The following SLC6A7 variants were observed in gnomAD, a reference collection of about 807,000 sequenced individuals.
The protein encoded by SLC6A7 is solute carrier family 6 member 7.
A neutral mutation model predicts 73.1 loss-of-function variants in SLC6A7; 58 were observed. That is an observed-to-expected ratio of 0.79 (90% CI 0.64 to 0.99). SLC6A7 has a LOEUF of 0.99. Ranked by LOEUF, SLC6A7 falls within the 50% of genes least tolerant of loss-of-function variation. The pLI is 0.00. For missense variants in SLC6A7, 783 were observed against 831.4 expected, an observed-to-expected ratio of 0.94 and a Z score of 0.72; for synonymous variants, 338 against 338.7, an observed-to-expected ratio of 1.00 and a Z score of 0.02.
rs1461626482 is a variant in SLC6A7, at chr5:150,206,089, GACAA to G, written c.1701+470_1701+473del. Among the ~76,000 whole-genome samples the G allele has an allele frequency of 2.0e-5, 3 of 152,190 alleles. No homozygotes were observed. In the East Asian group the frequency reaches 5.8e-4, roughly 29 times the overall value. ...GCCTAGGGTTTTGGGGAGGGACTCA[GACAA>G]ACAGAGAGAGTGCACTCTGCCACAG... On this transcript the variant is annotated intron_variant, in intron 13 of 13. Transcript: ENST00000230671.
At chr5:150,204,402 C>T (rs1753567297) in intron 10 of SLC6A7, 130 bp from the exon 11 acceptor site, 3 of 756,612 alleles carry the variant, frequency 4.0e-6, no homozygotes, top group Non-Finnish European at 7.1e-6. Context: ...GCTGGGCTGG[C>T]AGCCAGTGGT....
rs763970961 is a variant in SLC6A7, at chr5:150,209,529, C to T, written c.1825C>T (p.Arg609Cys). The change falls in exon 14 of 14, where the codon CGC becomes TGC. Residue 609 changes from arginine to cysteine, a missense_variant. Arg to Cys is a radical substitution (Grantham distance 180, BLOSUM62 -3). Transcript: ENST00000230671. ...ACCAAAGCCACTGATGGTGCACATGCGCAAGTACGGGGGCATCACCAGCTT... is the reference window on the plus strand; with the variant it reads ...ACCAAAGCCACTGATGGTGCACATGTGCAAGTACGGGGGCATCACCAGCTT... ...QSPKPLMVHM[R>C]KYGGITSFEN... The T allele has an allele frequency of 5.6e-6, 9 of 1,614,052 alleles. No homozygotes were observed. Among genetic ancestry groups the T allele is most frequent in the Admixed American group, 5.0e-5 (3 of 60,006 alleles).
rs1354946340 is a variant in SLC6A7 at position 150,206,762 on chromosome 5, G to T, written c.1701+1139G>T. On this transcript the variant is annotated intron_variant, in intron 13 of 13. Transcript: ENST00000230671. The stretch of plus-strand genomic sequence containing the variant: ...CTCCACCTCTGCTCCTTGCTTGAGA[G>T]CCAGGGTACCTGCAAAGGGAGGGAA... Among the ~76,000 whole-genome samples, 4 of 152,206 alleles carry T rather than the reference G, an allele frequency of 2.6e-5. No homozygotes were observed. In the East Asian group the frequency reaches 7.7e-4, roughly 29 times the overall value.
intron 6 of SLC6A7, among the ~76,000 whole-genome samples, chr5:150,202,087 G>C (rs992230379): frequency 2.6e-5 from 4 of 152,208 alleles, no homozygotes; most frequent in African/African-American, 9.7e-5. Flanking sequence ...TTCAGAACTG[G>C]ACCAAGCTTA....
chr5:150,209,846 T>C lies in SLC6A7; in HGVS notation c.*231T>C. On this transcript the variant is annotated 3_prime_UTR_variant, in exon 14 of 14. Coordinates refer to ENST00000230671, the MANE Select transcript of SLC6A7 (RefSeq NM_014228.5). The stretch of plus-strand genomic sequence containing the variant: ...ACTCAGACCCACTCAAAGCTGAGAA[T>C]GATCCAACTCAGCCCTACTTTGCGG... 1.8e-6 allele frequency: 1 copy of C among 571,206 alleles called. No individual in the cohort carries two copies. Among genetic ancestry groups the C allele is most frequent in the South Asian group, 2.1e-5 (1 of 48,468 alleles). 35.4% of individuals were successfully genotyped at this position (571,206 alleles called of 1,614,324 possible). A position where few individuals can be genotyped will look rare whatever the true frequency, so the allele number is the denominator to read the frequency against.
chr5:150,197,023 C>A lies in SLC6A7; in HGVS notation c.350-19C>A, dbSNP rs1753062965. ...AGAGAGCTTGGCCTGGGCAGCCCAG[C>A]AGCCTCTCCCCACACCAGGCGCCGG... On this transcript the variant is annotated intron_variant, in intron 3 of 13. Transcript: ENST00000230671. 3 of 1,607,134 alleles carry A rather than the reference C, an allele frequency of 1.9e-6. No homozygotes were observed. The African/African-American group carries it at 4.0e-5, about 21-fold the overall frequency.
chr5:150,205,132 G>T (rs1382319256), intron 12 of SLC6A7, among the ~76,000 whole-genome samples: 1 of 152,254 alleles, frequency 6.6e-6, no homozygotes, highest in African/African-American at 2.4e-5. Flanking sequence ...TTGGTTAAAT[G>T]CGTGGGTCTT....
intron 6 of SLC6A7, among the ~76,000 whole-genome samples, chr5:150,201,858 CCCT>C (rs1415129903): frequency 1.3e-5 from 2 of 152,166 alleles, no homozygotes; most frequent in African/African-American, 4.8e-5. Context: ...ATTTAACCCA[CCCT>C]CCTCCCATGA....
At chr5:150,207,402 C>T (rs1207318643) in intron 13 of SLC6A7, among the ~76,000 whole-genome samples, 1 of 152,146 alleles carries the variant, frequency 6.6e-6, no homozygotes, top group Non-Finnish European at 1.5e-5. Flanking sequence ...ATGACAAGCA[C>T]CTGCCACCAC....
intron 10 of SLC6A7, 135 bp from the exon 11 acceptor site, chr5:150,204,397 G>C (rs745584134): frequency 2.7e-6 from 2 of 739,780 alleles, no homozygotes; most frequent in Non-Finnish European, 2.4e-6. Flanking sequence ...GAAGGGCTGG[G>C]CTGGCAGCCA....
intron 13 of SLC6A7, 82 bp downstream of exon 13, chr5:150,205,705 A>G (rs1753665820): frequency 4.1e-6 from 5 of 1,218,188 alleles, no homozygotes; most frequent in Non-Finnish European, 5.8e-6. Flanking sequence ...CAGAAAACAT[A>G]TGCACCCACC....
chr5:150,200,153 T>C (rs1294895809), intron 5 of SLC6A7, among the ~76,000 whole-genome samples: 1 of 152,144 alleles, frequency 6.6e-6, no homozygotes, highest in Non-Finnish European at 1.5e-5. Context: ...GCCACGGATG[T>C]CTACTTTAGG....
chr5:150,204,776 C>A (rs993659495), intron 11 of SLC6A7, 51 bp from the exon 12 acceptor site: 4 of 1,432,790 alleles, frequency 2.8e-6, no homozygotes, highest in Non-Finnish European at 3.9e-6. Context: ...GGGCTGCTGG[C>A]GTTTGTGGGG....
intron 1 of SLC6A7, among the ~76,000 whole-genome samples, chr5:150,190,829 T>G (rs1257359679): frequency 5.3e-5 from 8 of 152,112 alleles, no homozygotes; most frequent in Non-Finnish European, 1.2e-4. Flanking sequence ...AAGACTCTCC[T>G]CTTTCCTGCC....
At chr5:150,202,529 T>C (rs1450637018) in intron 7 of SLC6A7, 50 bp from the exon 8 acceptor site, 1 of 1,611,574 alleles carries the variant, frequency 6.2e-7, no homozygotes. Flanking sequence ...CCTCAGAGGC[T>C]GAAAGGAAGG....
rs181477791 is a variant in SLC6A7 at position 150,194,201 on chromosome 5, G to A, written c.34-527G>A. Among the ~76,000 whole-genome samples, 395 of 152,214 alleles carry A rather than the reference G, an allele frequency of 2.6e-3. 1 individual carries two copies. The highest frequency in any genetic ancestry group is 9.0e-3 in the African/African-American group (372 of 41,528). ...TCCCAGCACTTTGGGAGGCCGAGGC[G>A]GGTGGATCACGAGGTCAGGAGACCA... On this transcript the variant is annotated intron_variant, in intron 1 of 13. Transcript: ENST00000230671.
Position 150,204,909 on chromosome 5 carries a change from G to A in SLC6A7, c.1515G>A (p.Leu505=). The change falls in exon 12 of 14, where the codon CTG becomes CTA. Residue 505 remains leucine, a synonymous_variant. Transcript: ENST00000230671. ...GLYFRACWLF[L]SPATLLALMV... ...ACTTCAGGGCCTGCTGGCTGTTCCT[G>A]TCCCCAGCCACGCTCTTGGTAACTG... 9 of 1,511,708 alleles carry A rather than the reference G, an allele frequency of 6.0e-6. No individual in the cohort carries two copies. Among genetic ancestry groups the A allele is most frequent in the Admixed American group, 1.7e-5 (1 of 59,746 alleles). The allele number at this position is 1,511,708 out of a possible 1,614,324, so 93.6% of individuals were successfully genotyped here. A position where few individuals can be genotyped will look rare whatever the true frequency, so the allele number is the denominator to read the frequency against.
In SLC6A7 at chr5:150,197,261, G is replaced by T; in HGVS notation, c.569G>T (p.Ser190Ile). 1 of 1,609,202 alleles carries T rather than the reference G, an allele frequency of 6.2e-7. No individual in the cohort carries two copies. The highest frequency in any genetic ancestry group is 8.5e-7 in the Non-Finnish European group (1 of 1,177,372). Residue 190 changes from serine to isoleucine, a missense_variant, in exon 4 of 14, where the codon AGC becomes ATC. Transcript: ENST00000230671. ...AACCTCACCTGCACCGTCAGCCCCA[G>T]CGAGGAGTACTGGAGGTCAGGCAGC... Reference protein sequence around the residue: ...PLNLTCTVSPSEEYWSRYVLH... With the variant: ...PLNLTCTVSPIEEYWSRYVLH...
At position 150,197,190 on chromosome 5, in the gene SLC6A7, C is replaced by T. The variant is rs1452406529; in HGVS notation, c.498C>T (p.Cys166=). 9.3e-6 allele frequency: 15 copies of T among 1,613,996 alleles called. No individual in the cohort carries two copies. Among genetic ancestry groups the T allele is most frequent in the Non-Finnish European group, 1.3e-5 (15 of 1,179,998 alleles). Reference sequence around the variant, plus strand: ...GCAACTGGTGGAACACAGAACTCTGCCTGGAGCACAGAGTCTCCAAGGACG... The same window carrying T: ...GCAACTGGTGGAACACAGAACTCTGTCTGGAGCACAGAGTCTCCAAGGACG... The part of the protein sequence containing the change: ...HCGNWWNTEL[C]LEHRVSKDGN... The change falls in exon 4 of 14, where the codon TGC becomes TGT. Residue 166 remains cysteine (C), a synonymous_variant. Coordinates refer to ENST00000230671, the MANE Select transcript of SLC6A7 (RefSeq NM_014228.5).
Sources: allele counts gnomAD v4.1 joint callset (sites outside exome capture counted in the v4.1 genomes callset), GRCh38; gene constraint gnomAD v4.1.1; transcripts MANE v1.5; gene names NCBI Gene and HGNC (gene_info 2026-07-23, HGNC 2026-07-21).